Variants in ZC2HC1B observed in about 807,000 individuals in gnomAD.
ZC2HC1B encodes zinc finger C2HC domain-containing protein 1B.
A neutral mutation model predicts 31.0 loss-of-function variants in ZC2HC1B; 36 were observed. That is an observed-to-expected ratio of 1.16 (90% CI 0.89 to 1.54). The LOEUF (loss-of-function observed/expected upper bound fraction) is 1.54. Ranked by LOEUF, ZC2HC1B falls within the 40% of genes most tolerant of loss-of-function variation. The probability of loss-of-function intolerance (pLI) is 0.00; values close to 1 mark genes in which losing one functional copy is unlikely to be tolerated. For missense variants in ZC2HC1B, 260 were observed against 268.6 expected, an observed-to-expected ratio of 0.97 and a Z score of 0.22; for synonymous variants, 73 against 88.0, an observed-to-expected ratio of 0.83 and a Z score of 0.95.
rs774209346 is a variant in ZC2HC1B at position 143,898,596 on chromosome 6, G to A, written c.394G>A (p.Ala132Thr). ...PYCMRRFNES[A>T]AERHTNFCKD... ...TTGTATGAGAAGGTTTAATGAAAGC[G>A]CAGCTGAGCGACATACTAATTTCTG... Residue 132 changes from alanine to threonine, a missense_variant, in exon 5 of 8, where the codon GCA becomes ACA. By Grantham distance (58) the Ala-to-Thr change is moderately conservative. Transcript: ENST00000237275. The A allele has an allele frequency of 9.0e-6, 14 of 1,551,616 alleles. No individual in the cohort carries two copies. Among genetic ancestry groups the A allele is most frequent in the East Asian group, 4.9e-5 (2 of 40,936 alleles).
intron 7 of ZC2HC1B, 112 bp downstream of exon 7, chr6:143,937,845 G>C (rs1327362464): frequency 4.2e-6 from 3 of 722,238 alleles, no homozygotes; most frequent in Non-Finnish European, 6.6e-6. Context: ...ACTCCAAGTT[G>C]GGTTAACAAA....
chr6:143,864,478 T>C lies in ZC2HC1B; in HGVS notation c.-62T>C, dbSNP rs953035063. 3.3e-6 allele frequency: 5 copies of C among 1,518,668 alleles called. No homozygotes were observed. The highest frequency in any genetic ancestry group is 3.6e-6 in the Non-Finnish European group (4 of 1,118,438). The allele number at this position is 1,518,668 out of a possible 1,614,324, so 94.1% of individuals were successfully genotyped here. The stretch of plus-strand genomic sequence containing the variant: ...TCCTGGTTTATGTTCTTGACTAGTA[T>C]GATGTTATCTGGACTGGGCTGTAAA... On this transcript the variant is annotated 5_prime_UTR_variant, in exon 1 of 8. An upstream start codon of the reference 5' UTR is lost. Transcript: ENST00000237275.
chr6:143,868,164 C>T lies in ZC2HC1B; in HGVS notation c.28+3597C>T, dbSNP rs1165788902. On this transcript the variant is annotated intron_variant, in intron 1 of 7. Transcript: ENST00000237275. This position sits in a 1 kb window ranked among gnomAD's most constrained non-coding sequence, Gnocchi z 4.2. ...TTGTATCTGATTTTTCTTTGGAAGT[C>T]TGTAGAATCTGTCTTCACTGTTCTG... Among the ~76,000 whole-genome samples, 1 of 152,130 alleles carries T rather than the reference C, an allele frequency of 6.6e-6. No individual in the cohort carries two copies. The highest frequency in any genetic ancestry group is 1.5e-5 in the Non-Finnish European group (1 of 68,024).
intron 1 of ZC2HC1B, among the ~76,000 whole-genome samples, chr6:143,877,434 C>A (rs1777422033): frequency 1.3e-5 from 2 of 148,746 alleles, no homozygotes; most frequent in African/African-American, 5.0e-5. Flanking sequence ...AGGCATGTAC[C>A]ACCACGCCTG....
chr6:143,870,245 A>G lies in ZC2HC1B; in HGVS notation c.28+5678A>G, dbSNP rs1246417902. On this transcript the variant is annotated intron_variant, in intron 1 of 7. Transcript: ENST00000237275. This position sits in a 1 kb window ranked among gnomAD's most constrained non-coding sequence, Gnocchi z 4.7. ...CCCACTGGGAAAATTTTCCCTCACC[A>G]CTTTCAGGGATGTCCTAGGAAGGGG... 6.6e-6 allele frequency among the ~76,000 whole-genome samples: 1 copy of G among 151,990 alleles called. No individual in the cohort carries two copies. The highest frequency in any genetic ancestry group is 1.5e-5 in the Non-Finnish European group (1 of 67,958).
chr6:143,919,856 T>C lies in ZC2HC1B; in HGVS notation c.598+16704T>C, dbSNP rs74774705. ...GTCCAAAATAGTTATATGGGACACA[T>C]TGTGCCAGCGCAATTGTTATCTAGG... On this transcript the variant is annotated intron_variant, in intron 6 of 7. Coordinates refer to ENST00000237275, the MANE Select transcript of ZC2HC1B (RefSeq NM_001013623.3). 7.4e-3 allele frequency among the ~76,000 whole-genome samples: 1,134 copies of C among 152,312 alleles called. 11 individuals carry two copies. The highest frequency in any genetic ancestry group is 0.026 in the African/African-American group (1,087 of 41,564).
intron 6 of ZC2HC1B, among the ~76,000 whole-genome samples, chr6:143,907,280 C>A: frequency 6.6e-6 from 1 of 152,038 alleles, no homozygotes; most frequent in East Asian, 1.9e-4. Context: ...AATTTATATT[C>A]CTTTGGGTAT....
chr6:143,873,829 C>G (rs1010765862), intron 1 of ZC2HC1B, among the ~76,000 whole-genome samples: 1 of 152,174 alleles, frequency 6.6e-6, no homozygotes, highest in Non-Finnish European at 1.5e-5. Context: ...GACCTCTGGG[C>G]GTTCGATGGG....
At position 143,918,014 on chromosome 6, in the gene ZC2HC1B, T is replaced by C. The variant is rs1777938675; in HGVS notation, c.598+14862T>C. 6.6e-6 allele frequency among the ~76,000 whole-genome samples: 1 copy of C among 152,260 alleles called. No individual in the cohort carries two copies. Among genetic ancestry groups the C allele is most frequent in the African/African-American group, 2.4e-5 (1 of 41,476 alleles). On this transcript the variant is annotated intron_variant, in intron 6 of 7. Coordinates refer to ENST00000237275, the MANE Select transcript of ZC2HC1B (RefSeq NM_001013623.3). This position sits in a 1 kb window ranked among gnomAD's most constrained non-coding sequence, Gnocchi z 4.1. ...ATAATTGTCCATGCATTTACCTTTA[T>C]TGAGATTTTGATTTCTTCATACAGC...
In ZC2HC1B at chr6:143,864,555, C is replaced by T. The variant is rs6934118; in HGVS notation, c.16C>T (p.Pro6Ser). MAGAE[P>S]FLADGNQELF... ...TAGGAACAGAATGGCTGGGGCAGAA[C>T]CATTTTTGGCAGGTGAGCTGCACTT... Residue 6 changes from proline (P) to serine (S), a missense_variant, in exon 1 of 8, where the codon CCA (proline) becomes TCA (serine). By Grantham distance (74) the Pro-to-Ser change is moderately conservative. Transcript: ENST00000237275. 3.7e-3 allele frequency: 5,669 copies of T among 1,551,504 alleles called. 208 individuals carry two copies. In the African/African-American group the frequency reaches 0.07, roughly 19 times the overall value.
At chr6:143,916,074 G>A (rs1193109688) in intron 6 of ZC2HC1B, among the ~76,000 whole-genome samples, 1 of 152,142 alleles carries the variant, frequency 6.6e-6, no homozygotes, top group Non-Finnish European at 1.5e-5. Context: ...GAGGTTTAAG[G>A]GGAAAAAATG....
rs1018638161 is a variant in ZC2HC1B, at chr6:143,903,165, A to C, written c.598+13A>C. ...CCAACCAAGTCAGGTGAGTCAAAGC[A>C]CGCATTTCATCTCTCAAATGATGGG... On this transcript the variant is annotated intron_variant, in intron 6 of 7. Transcript: ENST00000237275. The surrounding 1 kb of genome is among the most constrained non-coding windows in gnomAD (Gnocchi z 4.3). 7.4e-5 allele frequency: 115 copies of C among 1,550,360 alleles called. No homozygotes were observed. Among genetic ancestry groups the C allele is most frequent in the Non-Finnish European group, 1.0e-4 (115 of 1,145,538 alleles).
Position 143,935,116 on chromosome 6 carries a change from T to C in ZC2HC1B, c.599-2533T>C, listed in dbSNP as rs531251352. Among the ~76,000 whole-genome samples the C allele has an allele frequency of 1.0e-3, 132 of 126,434 alleles. 1 individual carries two copies. Among genetic ancestry groups the C allele is most frequent in the African/African-American group, 4.3e-3 (132 of 30,410 alleles). 82.9% of individuals were successfully genotyped at this position (126,434 alleles called of 152,430 possible). ...CATCCTTAGTCCCCTAGGAGGAGTA[T>C]GTGGACGCTGCAGATGCTGGTGGTG... On this transcript the variant is annotated intron_variant, in intron 6 of 7. Coordinates refer to ENST00000237275, the MANE Select transcript of ZC2HC1B (RefSeq NM_001013623.3).
chr6:143,912,894 C>T (rs1433196895), intron 6 of ZC2HC1B, among the ~76,000 whole-genome samples: 1 of 152,182 alleles, frequency 6.6e-6, no homozygotes, highest in African/African-American at 2.4e-5. Context: ...GGCACTTTGT[C>T]CCAGGGACAA....
intron 6 of ZC2HC1B, among the ~76,000 whole-genome samples, chr6:143,926,946 G>C (rs1458375623): frequency 2.9e-5 from 3 of 101,924 alleles, no homozygotes; most frequent in African/African-American, 5.0e-5. Context: ...GAGTAGCTGG[G>C]ACTACAGGCG....
chr6:143,879,608 G>A (rs1777444935), intron 1 of ZC2HC1B, among the ~76,000 whole-genome samples: 1 of 152,108 alleles, frequency 6.6e-6, no homozygotes, highest in Non-Finnish European at 1.5e-5. Context: ...ATGAGAAAGT[G>A]TCTTCCTTTT....
chr6:143,870,352 G>A lies in ZC2HC1B; in HGVS notation c.28+5785G>A, dbSNP rs551767232. Among the ~76,000 whole-genome samples the A allele has an allele frequency of 3.3e-5, 5 of 152,230 alleles. No individual in the cohort carries two copies. Among genetic ancestry groups the A allele is most frequent in the Admixed American group, 6.5e-5 (1 of 15,292 alleles). ...TATTGTGCAGAACCATCTGTGAACC[G>A]GGCTCTAGTCTTCTCTTTTTCTGTC... On this transcript the variant is annotated intron_variant, in intron 1 of 7. Coordinates refer to ENST00000237275, the MANE Select transcript of ZC2HC1B (RefSeq NM_001013623.3). This position sits in a 1 kb window ranked among gnomAD's most constrained non-coding sequence, Gnocchi z 4.7.
chr6:143,919,263 G>GTGTA (rs1342967920), intron 6 of ZC2HC1B, among the ~76,000 whole-genome samples: 31 of 142,002 alleles, frequency 2.2e-4, no homozygotes, highest in Non-Finnish European at 4.2e-4. Flanking sequence ...GTGTGTGTGT[G>GTGTA]TGTATGTGAC....
At position 143,895,188 on chromosome 6, in the gene ZC2HC1B, G is replaced by T. The variant is rs1777651083; in HGVS notation, c.350-3364G>T. On this transcript the variant is annotated intron_variant, in intron 4 of 7. Coordinates refer to ENST00000237275, the MANE Select transcript of ZC2HC1B (RefSeq NM_001013623.3). The surrounding 1 kb of genome is among the most constrained non-coding windows in gnomAD (Gnocchi z 4.8). ...TTGTTGTTGTTGTTTTTGAGACAGA[G>T]TTTTGCTCTTGTTGCCCAGACTGGA... Among the ~76,000 whole-genome samples the T allele has an allele frequency of 6.6e-6, 1 of 152,106 alleles. No individual in the cohort carries two copies. The highest frequency in any genetic ancestry group is 6.6e-5 in the Admixed American group (1 of 15,258).
Sources: allele counts gnomAD v4.1 joint callset (sites outside exome capture counted in the v4.1 genomes callset), GRCh38; gene constraint gnomAD v4.1.1; non-coding constraint Gnocchi (gnomAD v3.1); transcripts MANE v1.5; gene names NCBI Gene and HGNC (gene_info 2026-07-23, HGNC 2026-07-21).